Variants in LRMDA observed in about 807,000 individuals in gnomAD.
LRMDA encodes the protein leucine rich melanocyte differentiation associated, also known as leucine-rich melanocyte differentiation-associated protein.
LRMDA carries 18 observed loss-of-function variants against 29.8 expected under a neutral mutation model. That is an observed-to-expected ratio of 0.60 (90% CI 0.42 to 0.90). LRMDA has a LOEUF of 0.90. LRMDA is among the 40% of genes least tolerant of loss of function. LRMDA has a pLI of 0.00. For missense variants in LRMDA, 273 were observed against 273.9 expected (o/e 1.00, Z 0.02); for synonymous variants, 125 against 109.4 (o/e 1.14, Z -0.89).
At chr10:76,326,646 C>T (rs1463642021) in intron 6 of LRMDA, among the ~76,000 whole-genome samples, 1 of 152,182 alleles carries the variant, frequency 6.6e-6, no homozygotes, top group Non-Finnish European at 1.5e-5. Context: ...CCAACAACTA[C>T]AAAAACTGGC....
At chr10:76,482,519 A>T (rs1410568365) in intron 6 of LRMDA, among the ~76,000 whole-genome samples, 1 of 151,982 alleles carries the variant, frequency 6.6e-6, no homozygotes, top group Non-Finnish European at 1.5e-5. Flanking sequence ...TGCATGTAGC[A>T]GAACTTTGTT....
At chr10:75,585,090 A>G (rs1331016909) in intron 2 of LRMDA, among the ~76,000 whole-genome samples, 1 of 152,234 alleles carries the variant, frequency 6.6e-6, no homozygotes, top group Admixed American at 6.5e-5. Context: ...GTTAGGATAT[A>G]GAATATTCCT....
intron 6 of LRMDA, among the ~76,000 whole-genome samples, chr10:76,422,947 G>A (rs1842085434): frequency 6.6e-6 from 1 of 152,206 alleles, no homozygotes; most frequent in Non-Finnish European, 1.5e-5. Flanking sequence ...GAAGCTAACT[G>A]TACAACTCAA....
intron 5 of LRMDA, among the ~76,000 whole-genome samples, chr10:76,322,666 A>G (rs989996976): frequency 2.0e-5 from 3 of 152,240 alleles, no homozygotes; most frequent in African/African-American, 4.8e-5. Flanking sequence ...CAAATTGTCA[A>G]CAGCCCAAAT....
At chr10:75,824,570 T>G (rs1396088098) in intron 2 of LRMDA, among the ~76,000 whole-genome samples, 1 of 152,206 alleles carries the variant, frequency 6.6e-6, no homozygotes, top group East Asian at 1.9e-4. Context: ...AAACCCTGAT[T>G]CTTACTCTTG....
At position 76,305,612 on chromosome 10, in the gene LRMDA, T is replaced by C. The variant is rs183869186; in HGVS notation, c.517-18789T>C. Among the ~76,000 whole-genome samples the C allele has an allele frequency of 3.9e-5, 6 of 152,338 alleles. 1 individual carries two copies. In the Middle Eastern group the frequency reaches 0.01, roughly 259 times the overall value. ...TTTCTTTAGAAAATAAACTTAAATT[T>C]TGCATTTCCTTTGGCTTCAGGGAGA... On this transcript the variant is annotated intron_variant, in intron 5 of 6. Transcript: ENST00000611255.
intron 2 of LRMDA, among the ~76,000 whole-genome samples, chr10:75,962,142 G>C (rs145798209): frequency 6.6e-6 from 1 of 152,110 alleles, no homozygotes; most frequent in Non-Finnish European, 1.5e-5. Context: ...AGGTACCAGG[G>C]GTTAGGACTT....
chr10:76,149,432 A>G (rs1247406579), intron 5 of LRMDA, among the ~76,000 whole-genome samples: 1 of 152,088 alleles, frequency 6.6e-6, no homozygotes, highest in East Asian at 1.9e-4. Flanking sequence ...CCATTTCCTC[A>G]TCTGTTATTT....
rs1157185768 is a variant in LRMDA at position 76,383,415 on chromosome 10, C to CTT, written c.601+58955_601+58956dup. Among the ~76,000 whole-genome samples the CTT allele has an allele frequency of 5.8e-4, 51 of 87,292 alleles. 3 individuals carry two copies. Among genetic ancestry groups the CTT allele is most frequent in the South Asian group, 2.8e-3 (6 of 2,152 alleles). 57.3% of individuals were successfully genotyped at this position (87,292 alleles called of 152,430 possible). ...TTTTTTGAGTACACCAATGTCTTTT[C>CTT]TTTTTTTTTTTTTTTTTTTTTTTTT... On this transcript the variant is annotated intron_variant, in intron 6 of 6. Coordinates refer to ENST00000611255, the MANE Select transcript of LRMDA (RefSeq NM_001305581.2).
intron 5 of LRMDA, among the ~76,000 whole-genome samples, chr10:76,301,583 G>C (rs1371012624): frequency 6.6e-6 from 1 of 152,120 alleles, no homozygotes; most frequent in Non-Finnish European, 1.5e-5. Context: ...CTCTTGCTTT[G>C]ATTATGAACT....
intron 6 of LRMDA, among the ~76,000 whole-genome samples, chr10:76,506,465 G>A (rs1236434110): frequency 6.6e-6 from 1 of 152,094 alleles, no homozygotes; most frequent in East Asian, 1.9e-4. Flanking sequence ...TATCCCAGGA[G>A]GCTGGGGCGA....
At chr10:75,794,147 G>GC (rs1843614192) in intron 2 of LRMDA, among the ~76,000 whole-genome samples, 1 of 152,160 alleles carries the variant, frequency 6.6e-6, no homozygotes, top group Non-Finnish European at 1.5e-5. Context: ...CTGATACTTT[G>GC]CCCAACTAGC....
chr10:75,525,987 A>G (rs1015502527), intron 2 of LRMDA, among the ~76,000 whole-genome samples: 7 of 151,772 alleles, frequency 4.6e-5, no homozygotes, highest in South Asian at 2.1e-4. Flanking sequence ...TCTGCCTCAT[A>G]GTGCTTTATG....
At chr10:76,340,258 G>A (rs1301284402) in intron 6 of LRMDA, among the ~76,000 whole-genome samples, 1 of 152,050 alleles carries the variant, frequency 6.6e-6, no homozygotes, top group African/African-American at 2.4e-5. Context: ...GCTCACGCCT[G>A]TAACCCCAAC....
intron 2 of LRMDA, among the ~76,000 whole-genome samples, chr10:75,558,970 T>A (rs1303779988): frequency 2.1e-4 from 32 of 150,412 alleles, no homozygotes; most frequent in Admixed American, 1.9e-3. Context: ...TTTGCTATTG[T>A]GAATAGTGCT....
intron 5 of LRMDA, among the ~76,000 whole-genome samples, chr10:76,232,364 G>T (rs1448586125): frequency 6.6e-6 from 1 of 152,130 alleles, no homozygotes; most frequent in African/African-American, 2.4e-5. Context: ...ATAGGAGAAA[G>T]GACACATAAA....
intron 5 of LRMDA, among the ~76,000 whole-genome samples, chr10:76,196,011 T>G (rs1851325630): frequency 6.6e-6 from 1 of 152,234 alleles, no homozygotes; most frequent in African/African-American, 2.4e-5. Context: ...TTCATTTGCA[T>G]GAAAACGATA....
intron 5 of LRMDA, among the ~76,000 whole-genome samples, chr10:76,187,434 G>T (rs1447435451): frequency 2.0e-5 from 3 of 152,200 alleles, no homozygotes; most frequent in African/African-American, 7.2e-5. Context: ...GTTCATTACT[G>T]CAACAGAGGG....
At chr10:76,208,565 C>T (rs35683745) in intron 5 of LRMDA, among the ~76,000 whole-genome samples, 2,022 of 152,320 alleles carry the variant, frequency 0.013, 46 homozygotes, top group African/African-American at 0.046. Flanking sequence ...AGAGCCTGGT[C>T]CAGCCAGCAA....
Sources: gnomAD v4.1 joint callset for allele counts (sites outside exome capture counted in the v4.1 genomes callset) on GRCh38, gnomAD v4.1.1 for gene constraint, MANE v1.5 for transcripts, NCBI Gene and HGNC (gene_info 2026-07-23, HGNC 2026-07-21) for gene names.